LAMB2: variants seen among roughly 807,000 people sequenced by gnomAD.
LAMB2 encodes the protein laminin subunit beta 2, also known as laminin subunit beta-2.
A neutral mutation model predicts 202.7 loss-of-function variants in LAMB2; 119 were observed. The observed-to-expected ratio is 0.59, with a 90% CI of 0.51 to 0.68. The LOEUF is 0.68. Among genes scored for constraint, LAMB2 ranks in the 30% least tolerant of loss-of-function variants. LAMB2 has a pLI of 0.00. For synonymous variants in LAMB2, 818 were observed against 902.2 expected (o/e 0.91, Z 1.67); for missense variants, 2,124 against 2,410.6 (o/e 0.88, Z 2.49).
intron 16 of LAMB2, 90 bp downstream of exon 16, chr3:49,126,274 GC>G: frequency 6.2e-7 from 1 of 1,605,142 alleles, no homozygotes; most frequent in South Asian, 1.1e-5. Flanking sequence ...CCATGGGCCT[GC>G]CTCTTCTGCC....
At position 49,130,791 on chromosome 3, in the gene LAMB2, G is replaced by A. The variant is rs1348359514; in HGVS notation, c.985C>T (p.Arg329Cys). 3.1e-6 allele frequency: 5 copies of A among 1,614,158 alleles called. No homozygotes were observed. Among genetic ancestry groups the A allele is most frequent in the South Asian group, 1.1e-5 (1 of 91,090 alleles). ...TCAGCCGGACGCCAGGGCAGGTCACGATAGAAATCCTGACACTGCTCGCAG... is the reference window on the plus strand; with the variant it reads ...TCAGCCGGACGCCAGGGCAGGTCACAATAGAAATCCTGACACTGCTCGCAG... Reference protein sequence around the residue: ...LNCEQCQDFYRDLPWRPAEDG... With the variant: ...LNCEQCQDFYCDLPWRPAEDG... Residue 329 changes from arginine to cysteine, a missense_variant, in exon 8 of 32, where the codon CGT becomes TGT. Physicochemically the swap from Arg to Cys is radical, Grantham distance 180 (BLOSUM62 -3). Around this residue, in one of 3 missense-constraint regions of LAMB2, gnomAD observed 256 missense variants for 356.1 expected, o/e 0.72. Coordinates refer to ENST00000305544, the MANE Select transcript of LAMB2 (RefSeq NM_002292.4). This position sits in a 1 kb window ranked among gnomAD's most constrained non-coding sequence, Gnocchi z 5.0.
At chr3:49,123,680 A>G (rs1575531877) in intron 24 of LAMB2, 48 bp downstream of exon 24, 1 of 1,613,710 alleles carries the variant, frequency 6.2e-7, no homozygotes, top group Non-Finnish European at 8.5e-7. Flanking sequence ...GCCCTGGTCC[A>G]CTGGGCCTCT....
Position 49,121,570 on chromosome 3 carries a change from T to C in LAMB2, c.5123A>G (p.Asp1708Gly). 6.2e-7 allele frequency: 1 copy of C among 1,613,988 alleles called. No homozygotes were observed. The highest frequency in any genetic ancestry group is 8.5e-7 in the Non-Finnish European group (1 of 1,180,036). Residue 1708 changes from aspartate (D) to glycine (G), a missense_variant, in exon 31 of 32, where the codon GAT becomes GGT. By Grantham distance (94) the Asp-to-Gly change is moderately conservative (BLOSUM62 -1). This residue lies in a region of LAMB2 where 1,702 missense variants were observed against 1,896.3 expected (regional missense o/e 0.90). Coordinates refer to ENST00000305544, the MANE Select transcript of LAMB2 (RefSeq NM_002292.4). ...TAGGGCCTTCACCGTCTGGTACTGA[T>C]CACCCAGAGGACCGCGTAGCAGCTG... ...AEQLLRGPLG[D>G]QYQTVKALAE...
Position 49,129,027 on chromosome 3 carries a change from C to G in LAMB2, c.1724G>C (p.Arg575Pro), listed in dbSNP as rs61729152. 5 of 1,609,388 alleles carry G rather than the reference C, an allele frequency of 3.1e-6. No homozygotes were observed. In the South Asian group the frequency reaches 5.5e-5, roughly 18 times the overall value. ...DHLIWEAEDT[R>P]GQVLDVVERL... ...TAGGGGGAGGCCCCACACCTGCCCT[C>G]GGGTGTCCTCAGCCTCCCAAATTAG... Residue 575 changes from arginine to proline, a missense_variant, in exon 13 of 32, where the codon CGA (arginine) becomes CCA (proline). Arg to Pro is a moderately radical substitution (Grantham distance 103, BLOSUM62 -2). Transcript: ENST00000305544. This position sits in a 1 kb window ranked among gnomAD's most constrained non-coding sequence, Gnocchi z 6.1.
chr3:49,123,258 A>G lies in LAMB2; in HGVS notation c.4098T>C (p.His1366=). 1 of 1,614,072 alleles carries G rather than the reference A, an allele frequency of 6.2e-7. No individual in the cohort carries two copies. The highest frequency in any genetic ancestry group is 8.5e-7 in the Non-Finnish European group (1 of 1,180,046). The part of the protein sequence containing the change: ...SPVSNSASAR[H]RTEALMDAQK... The stretch of plus-strand genomic sequence containing the variant: ...GAGCATCCATCAGTGCCTCTGTCCG[A>G]TGCCGAGCACTTGCCGAGTTGCTCA... Residue 1366 remains histidine (H), a synonymous_variant, in exon 26 of 32, where the codon CAT becomes CAC. Transcript: ENST00000305544.
chr3:49,121,562 G>C lies in LAMB2; in HGVS notation c.5131C>G (p.Gln1711Glu). ...CGCTCAGCTAGGGCCTTCACCGTCT[G>C]GTACTGATCACCCAGAGGACCGCGT... ...LLRGPLGDQY[Q>E]TVKALAERKA... Residue 1711 changes from glutamine to glutamate, a missense_variant, in exon 31 of 32, where the codon CAG becomes GAG. Transcript: ENST00000305544. 1 of 1,614,018 alleles carries C rather than the reference G, an allele frequency of 6.2e-7. No homozygotes were observed. Among genetic ancestry groups the C allele is most frequent in the Non-Finnish European group, 8.5e-7 (1 of 1,180,044 alleles).
At position 49,129,987 on chromosome 3, in the gene LAMB2, G is replaced by A. The variant is rs146643686; in HGVS notation, c.1257C>T (p.Asp419=). Residue 419 remains aspartate (D), a synonymous_variant, in exon 10 of 32, where the codon GAC becomes GAT. Transcript: ENST00000305544. This position sits in a 1 kb window ranked among gnomAD's most constrained non-coding sequence, Gnocchi z 6.1. ...SCDCDPMGSQ[D]GGRCDSHDDP... is the part of the protein sequence containing the mutation. The stretch of plus-strand genomic sequence containing the variant: ...CATCATGGGAATCACAGCGACCACC[G>A]TCTTGAGAACCCATGGGGTCACAAT... 34 of 1,613,992 alleles carry A rather than the reference G, an allele frequency of 2.1e-5. No homozygotes were observed. The highest frequency in any genetic ancestry group is 1.1e-4 in the South Asian group (10 of 91,076).
rs755755781 is a variant in LAMB2, at chr3:49,123,166, G to A, written c.4190C>T (p.Thr1397Ile). The change falls in exon 26 of 32, where the codon ACC becomes ATC. Residue 1397 changes from threonine (T) to isoleucine (I), a missense_variant. Physicochemically the swap from Thr to Ile is moderately conservative, Grantham distance 89. This residue lies in a region of LAMB2 where 1,702 missense variants were observed against 1,896.3 expected (regional missense o/e 0.90). Coordinates refer to ENST00000305544, the MANE Select transcript of LAMB2 (RefSeq NM_002292.4). ...QRALGKLSAH[T>I]HTLSLTDINE... ...TATGTCTGTCAGGCTCAGGGTGTGG[G>A]TATGGGCAGAGAGCTTGCCAAGTGC... The A allele has an allele frequency of 6.2e-7, 1 of 1,613,526 alleles. No individual in the cohort carries two copies.
In LAMB2 at chr3:49,124,007, C is replaced by G; in HGVS notation, c.3518G>C (p.Cys1173Ser). 1 of 1,613,572 alleles carries G rather than the reference C, an allele frequency of 6.2e-7. No homozygotes were observed. Among genetic ancestry groups the G allele is most frequent in the Non-Finnish European group, 8.5e-7 (1 of 1,180,034 alleles). The change falls in exon 24 of 32, where the codon TGT becomes TCT. Residue 1173 changes from cysteine (C) to serine (S), a missense_variant. Coordinates refer to ENST00000305544, the MANE Select transcript of LAMB2 (RefSeq NM_002292.4). The stretch of plus-strand genomic sequence containing the variant: ...TGAGAAGCCACGGGCACACTGGTCA[C>G]AGCGCACACCAGACACCCCTGGGCG... ...SCRPGVSGVRCDQCARGFSGI... is the reference protein window; with the variant it reads ...SCRPGVSGVRSDQCARGFSGI...
In LAMB2 at chr3:49,132,977, C is replaced by A; in HGVS notation, c.-110G>T. Reference sequence around the variant, plus strand: ...TGCCTGTGGGTCTTTGGCCTGTTTCCCTCCAGGCCCTCTGTCAGTTCCCAG... The same window carrying A: ...TGCCTGTGGGTCTTTGGCCTGTTTCACTCCAGGCCCTCTGTCAGTTCCCAG... On this transcript the variant is annotated 5_prime_UTR_variant, in exon 1 of 32. Coordinates refer to ENST00000305544, the MANE Select transcript of LAMB2 (RefSeq NM_002292.4). The surrounding 1 kb of genome is among the most constrained non-coding windows in gnomAD (Gnocchi z 4.6). The A allele has an allele frequency of 2.2e-6, 2 of 912,632 alleles. No individual in the cohort carries two copies. Among genetic ancestry groups the A allele is most frequent in the East Asian group, 5.1e-5 (2 of 39,206 alleles). 56.5% of individuals were successfully genotyped at this position (912,632 alleles called of 1,614,324 possible).
At chr3:49,125,651 A>G in intron 18 of LAMB2, 96 bp downstream of exon 18, 1 of 1,532,596 alleles carries the variant, frequency 6.5e-7, no homozygotes, top group Non-Finnish European at 8.9e-7. Flanking sequence ...TCCAAGACTT[A>G]GTTTGAGGAA....
chr3:49,130,208 C>G lies in LAMB2; in HGVS notation c.1225+23G>C. 1 of 1,613,220 alleles carries G rather than the reference C, an allele frequency of 6.2e-7. No homozygotes were observed. Among genetic ancestry groups the G allele is most frequent in the Non-Finnish European group, 8.5e-7 (1 of 1,179,602 alleles). On this transcript the variant is annotated intron_variant, in intron 9 of 31. Coordinates refer to ENST00000305544, the MANE Select transcript of LAMB2 (RefSeq NM_002292.4). This position sits in a 1 kb window ranked among gnomAD's most constrained non-coding sequence, Gnocchi z 5.0. ...CCTGCCCCAGGCTCAGCTTTCTCTCCCCGTGCCCAATCCCAGCCTCACAGC... is the reference window on the plus strand; with the variant it reads ...CCTGCCCCAGGCTCAGCTTTCTCTCGCCGTGCCCAATCCCAGCCTCACAGC...
At chr3:49,126,185 C>T (rs1483225759) in intron 16 of LAMB2, 26 bp from the exon 17 acceptor site, 1 of 1,610,502 alleles carries the variant, frequency 6.2e-7, no homozygotes, top group South Asian at 1.1e-5. Flanking sequence ...AGGAAGATCG[C>T]AGTTCAGACC....
chr3:49,129,953 G>A lies in LAMB2; in HGVS notation c.1291C>T (p.Leu431=), dbSNP rs886038507. ...CGACACTGGCCGGAGACCAGTCCCA[G>A]TGCAGGGTCATCATGGGAATCACAG... ...GRCDSHDDPA[L]GLVSGQCRCK... Residue 431 remains leucine (L), a synonymous_variant, in exon 10 of 32, where the codon CTG becomes TTG. Transcript: ENST00000305544. This position sits in a 1 kb window ranked among gnomAD's most constrained non-coding sequence, Gnocchi z 6.1. 4.3e-6 allele frequency: 7 copies of A among 1,613,888 alleles called. No individual in the cohort carries two copies. Among genetic ancestry groups the A allele is most frequent in the Non-Finnish European group, 5.9e-6 (7 of 1,179,970 alleles).
rs770394208 is a variant in LAMB2, at chr3:49,122,356, G to T, written c.4588C>A (p.Pro1530Thr). The T allele has an allele frequency of 2.5e-6, 4 of 1,613,318 alleles. No homozygotes were observed. The highest frequency in any genetic ancestry group is 3.4e-6 in the Non-Finnish European group (4 of 1,180,012). Reference protein sequence around the residue: ...KDFLNQEGADPDSIEMVATRV... With the variant: ...KDFLNQEGADTDSIEMVATRV... Reference sequence around the variant, plus strand: ...GTGGCCACCATTTCAATGCTATCAGGATCAGCCCCCTCCTCTATAGGGACA... The same window carrying T: ...GTGGCCACCATTTCAATGCTATCAGTATCAGCCCCCTCCTCTATAGGGACA... The change falls in exon 28 of 32, where the codon CCT becomes ACT. Residue 1530 changes from proline (P) to threonine (T), a missense_variant. Physicochemically the swap from Pro to Thr is conservative, Grantham distance 38. This residue lies in a region of LAMB2 where 1,702 missense variants were observed against 1,896.3 expected (regional missense o/e 0.90). Transcript: ENST00000305544.
Position 49,130,542 on chromosome 3 carries a change from A to G in LAMB2, c.1037-123T>C. On this transcript the variant is annotated intron_variant, in intron 8 of 31. Transcript: ENST00000305544. The surrounding 1 kb of genome is among the most constrained non-coding windows in gnomAD (Gnocchi z 5.0). ...TGTGGGTAGGGGCTCAGGGACTTCA[A>G]GGCCTCAGCATCATACTGGTTCCCT... The G allele has an allele frequency of 7.4e-7, 1 of 1,353,560 alleles. No homozygotes were observed. Among genetic ancestry groups the G allele is most frequent in the East Asian group, 2.3e-5 (1 of 43,642 alleles). The allele number at this position is 1,353,560 out of a possible 1,614,324, so 83.8% of individuals were successfully genotyped here.
At position 49,122,842 on chromosome 3, in the gene LAMB2, C is replaced by T. The variant is rs757251877; in HGVS notation, c.4435G>A (p.Glu1479Lys). The T allele has an allele frequency of 1.2e-6, 2 of 1,612,352 alleles. No individual in the cohort carries two copies. Among genetic ancestry groups the T allele is most frequent in the South Asian group, 2.2e-5 (2 of 91,026 alleles). ...EGGSILSRVA[E>K]TRRQASEAQQ... ...GCCTCGCTTGCCTGCCGACGAGTCT[C>T]AGCCACTCTGCTGAGGATGCTACCA... Residue 1479 changes from glutamate (E) to lysine (K), a missense_variant, in exon 27 of 32, where the codon GAG becomes AAG. Coordinates refer to ENST00000305544, the MANE Select transcript of LAMB2 (RefSeq NM_002292.4).
At position 49,122,299 on chromosome 3, in the gene LAMB2, C is replaced by A. The variant is rs764494090; in HGVS notation, c.4645G>T (p.Ala1549Ser). The part of the protein sequence containing the change: ...RVLELSIPAS[A>S]EQIQHLAGAI... ...CCCGCCAGGTGCTGGATCTGCTCAGCTGAAGCTGGGATGGAGAGCTCTAGC... is the reference window on the plus strand; with the variant it reads ...CCCGCCAGGTGCTGGATCTGCTCAGATGAAGCTGGGATGGAGAGCTCTAGC... The change falls in exon 28 of 32, where the codon GCT (alanine) becomes TCT (serine). Residue 1549 changes from alanine to serine, a missense_variant. Ala to Ser is a moderately conservative substitution (Grantham distance 99). Coordinates refer to ENST00000305544, the MANE Select transcript of LAMB2 (RefSeq NM_002292.4). 7.4e-6 allele frequency: 12 copies of A among 1,613,484 alleles called. No individual in the cohort carries two copies. The highest frequency in any genetic ancestry group is 1.6e-4 in the Middle Eastern group (1 of 6,084).
In LAMB2 at chr3:49,132,553, T is replaced by G; in HGVS notation, c.187A>C (p.Thr63Pro). Residue 63 changes from threonine (T) to proline (P), a missense_variant, in exon 2 of 32, where the codon ACT (threonine) becomes CCT (proline). This residue lies in a region of LAMB2 where 166 missense variants were observed against 158.2 expected (regional missense o/e 1.05). Coordinates refer to ENST00000305544, the MANE Select transcript of LAMB2 (RefSeq NM_002292.4). The surrounding 1 kb of genome is among the most constrained non-coding windows in gnomAD (Gnocchi z 4.6). The stretch of plus-strand genomic sequence containing the variant: ...TTCAGGCCACAAGTGGATGAGGCAG[T>G]CAGTCTGTCAGCTCGGCCCACCAGC... ...DLLVGRADRL[T>P]ASSTCGLNGP... The G allele has an allele frequency of 2.5e-6, 4 of 1,613,714 alleles. No homozygotes were observed. The highest frequency in any genetic ancestry group is 3.4e-6 in the Non-Finnish European group (4 of 1,180,036).
Sources: gnomAD v4.1 joint callset for allele counts on GRCh38, gnomAD v4.1.1 for gene constraint, gnomAD v4.1.1 regional missense constraint, Gnocchi (gnomAD v3.1) non-coding constraint, MANE v1.5 for transcripts, NCBI Gene and HGNC (gene_info 2026-07-23, HGNC 2026-07-21) for gene names.